The following MUC5B variants were observed in gnomAD, a reference collection of about 807,000 sequenced individuals.
The protein encoded by MUC5B is mucin-5B.
In MUC5B, 116 loss-of-function variants were observed where a neutral mutation model predicts 376.9. The observed-to-expected ratio is 0.31, with a 90% CI of 0.26 to 0.36. The LOEUF is 0.36. Among genes scored for constraint, MUC5B ranks in the 10% least tolerant of loss-of-function variants. The pLI is 1.00. For missense variants in MUC5B, 7,165 were observed against 7,769.9 expected (o/e 0.92, Z 2.93); for synonymous variants, 3,517 against 3,390.9 (o/e 1.04, Z -1.29).
Position 1,243,166 on chromosome 11 carries a change from C to A in MUC5B, c.6286C>A (p.Pro2096Thr). 1 of 1,608,078 alleles carries A rather than the reference C, an allele frequency of 6.2e-7. No homozygotes were observed. The change falls in exon 31 of 49, where the codon CCG (proline) becomes ACG (threonine). Residue 2096 changes from proline to threonine, a missense_variant. By Grantham distance (38) the Pro-to-Thr change is conservative (BLOSUM62 -1). Transcript: ENST00000529681. ...RGSTVTPSSI[P>T]GTTHTATVLT... ...CTCCACGGTGACCCCCTCCTCCATC[C>A]CGGGGACCACCCACACCGCCACAGT...
intron 47 of MUC5B, 113 bp from the exon 48 acceptor site, chr11:1,260,513 C>T (rs539300445): frequency 7.0e-5 from 103 of 1,466,106 alleles, no homozygotes; most frequent in East Asian, 3.0e-4. Context: ...ACTCCACCCT[C>T]GGTCCTGGAG....
rs978599372 is a variant in MUC5B at position 1,225,694 on chromosome 11, T to C, written c.84T>C (p.Pro28=). The C allele has an allele frequency of 6.2e-7, 1 of 1,601,702 alleles. No individual in the cohort carries two copies. The highest frequency in any genetic ancestry group is 8.5e-7 in the Non-Finnish European group (1 of 1,175,032). Residue 28 remains proline (P), a synonymous_variant, in exon 2 of 49, where the codon CCT becomes CCC. Transcript: ENST00000529681. ...LVVPQAETQG[P]VEPSWENAGH... ...CTCTTCCCACAGAGACCCAGGGCCC[T>C]GTGGAGCCGAGCTGGGAGAATGCAG... is the stretch of plus-strand genomic sequence containing the variant.
chr11:1,260,498 T>A (rs918106457), intron 47 of MUC5B, 105 bp downstream of exon 47: 5 of 1,493,712 alleles, frequency 3.3e-6, no homozygotes, highest in Non-Finnish European at 4.6e-6. Flanking sequence ...GATGCCCGCG[T>A]CCAGACTCCA....
chr11:1,249,150 C>T lies in MUC5B; in HGVS notation c.12270C>T (p.Thr4090=). 6.2e-7 allele frequency: 1 copy of T among 1,611,398 alleles called. No individual in the cohort carries two copies. ...CAGGGACGACCACCCCGGGCCACAC[C>T]ACGGCCACCTCCAGGACCACGGCCA... is the stretch of plus-strand genomic sequence containing the variant. The part of the protein sequence containing the change: ...PSPGTTTPGH[T]TATSRTTATA... The change falls in exon 31 of 49, where the codon ACC becomes ACT. Residue 4090 remains threonine (T), a synonymous_variant. Coordinates refer to ENST00000529681, the MANE Select transcript of MUC5B (RefSeq NM_002458.3).
chr11:1,257,478 G>A lies in MUC5B; in HGVS notation c.16270-52G>A, dbSNP rs1360367370. The A allele has an allele frequency of 1.9e-6, 3 of 1,587,594 alleles. No individual in the cohort carries two copies. The highest frequency in any genetic ancestry group is 3.4e-5 in the Admixed American group (2 of 59,138). On this transcript the variant is annotated intron_variant, in intron 40 of 48. Transcript: ENST00000529681. This position sits in a 1 kb window ranked among gnomAD's most constrained non-coding sequence, Gnocchi z 8.9. ...GGGGGTGGCTGGACAGATGCCCAGG[G>A]TTGACCTGTGTCTGTCCAGGAGCCC...
rs749442163 is a variant in MUC5B, at chr11:1,243,559, A to T, written c.6679A>T (p.Ile2227Phe). The change falls in exon 31 of 49, where the codon ATC (isoleucine) becomes TTC (phenylalanine). Residue 2227 changes from isoleucine (I) to phenylalanine (F), a missense_variant. Physicochemically the swap from Ile to Phe is conservative, Grantham distance 21. Around this residue, in one of 31 missense-constraint regions of MUC5B, gnomAD observed 67 missense variants for 103.0 expected, o/e 0.65. Transcript: ENST00000529681. ...ATSGILGTTH[I>F]TEPSTVTSHT... is the part of the protein sequence containing the mutation. ...CTCGGGCATCTTGGGCACCACCCAC[A>T]TCACAGAGCCTTCCACGGTGACTTC... 1 of 1,607,326 alleles carries T rather than the reference A, an allele frequency of 6.2e-7. No homozygotes were observed. Among genetic ancestry groups the T allele is most frequent in the Non-Finnish European group, 8.5e-7 (1 of 1,178,102 alleles).
intron 48 of MUC5B, 97 bp from the exon 49 acceptor site, chr11:1,261,292 T>C: frequency 8.9e-7 from 1 of 1,118,920 alleles, no homozygotes; most frequent in Non-Finnish European, 1.3e-6. Context: ...GGGGCGGCCG[T>C]CTGGCCCAGG....
intron 30 of MUC5B, 139 bp from the exon 31 acceptor site, chr11:1,240,712 C>T: frequency 1.2e-6 from 1 of 834,414 alleles, no homozygotes. Flanking sequence ...CTAACCAAGG[C>T]TGAGGCAGGC....
Position 1,234,096 on chromosome 11 carries a change from C to A in MUC5B, c.2378-109C>A. On this transcript the variant is annotated intron_variant, in intron 19 of 48. Transcript: ENST00000529681. The surrounding 1 kb of genome is among the most constrained non-coding windows in gnomAD (Gnocchi z 6.3). ...GCTGCAGGTGTCATGGAAGCTTTGGCTCGGGGGCTGTTAACTTGATCAGCA... is the reference window on the plus strand; with the variant it reads ...GCTGCAGGTGTCATGGAAGCTTTGGATCGGGGGCTGTTAACTTGATCAGCA... 1.0e-6 allele frequency: 1 copy of A among 969,444 alleles called. No homozygotes were observed. Among genetic ancestry groups the A allele is most frequent in the Non-Finnish European group, 1.6e-6 (1 of 631,972 alleles). The allele number at this position is 969,444 out of a possible 1,614,324, so 60.1% of individuals were successfully genotyped here.
rs747793569 is a variant in MUC5B at position 1,228,781 on chromosome 11, G to T, written c.976+16G>T. The T allele has an allele frequency of 5.0e-6, 7 of 1,404,630 alleles. No individual in the cohort carries two copies. In the East Asian group the frequency reaches 1.8e-4, roughly 36 times the overall value. The allele number at this position is 1,404,630 out of a possible 1,614,324, so 87.0% of individuals were successfully genotyped here. ...GAGCTCTGCCGTGAGTGCTCCCAGGGCCTTCGCCAGGGATTGTGCCAGAGA... is the reference window on the plus strand; with the variant it reads ...GAGCTCTGCCGTGAGTGCTCCCAGGTCCTTCGCCAGGGATTGTGCCAGAGA... On this transcript the variant is annotated intron_variant, in intron 8 of 48. Transcript: ENST00000529681.
At position 1,250,621 on chromosome 11, in the gene MUC5B, CCCT is replaced by C; in HGVS notation, c.13747_13749del (p.Ser4583del). The C allele has an allele frequency of 2.5e-6, 4 of 1,612,832 alleles. No homozygotes were observed. The highest frequency in any genetic ancestry group is 3.4e-6 in the Non-Finnish European group (4 of 1,179,106). ...CGGGGCCACCGGCTCTGTGGCCACC[CCCT>C]CCTCCACCCCAGGAACAGCTCACAC... On this transcript the variant is annotated inframe_deletion, in exon 31 of 49. Transcript: ENST00000529681.
In MUC5B at chr11:1,243,027, C is replaced by T. The variant is rs762453539; in HGVS notation, c.6147C>T (p.Thr2049=). The change falls in exon 31 of 49, where the codon ACC becomes ACT. Residue 2049 remains threonine (T), a synonymous_variant. Transcript: ENST00000529681. The part of the protein sequence containing the change: ...PSSTPGTAHT[T]KVPTTTTTGF... Reference sequence around the variant, plus strand: ...CCACCCCAGGAACAGCTCACACTACCAAAGTGCCAACTACCACAACCACGG... The same window carrying T: ...CCACCCCAGGAACAGCTCACACTACTAAAGTGCCAACTACCACAACCACGG... The T allele has an allele frequency of 1.2e-6, 2 of 1,611,570 alleles. No homozygotes were observed. Among genetic ancestry groups the T allele is most frequent in the Non-Finnish European group, 1.7e-6 (2 of 1,178,346 alleles).
chr11:1,242,121 A>T lies in MUC5B; in HGVS notation c.5241A>T (p.Pro1747=). 1.9e-6 allele frequency: 3 copies of T among 1,613,472 alleles called. No homozygotes were observed. In the South Asian group the frequency reaches 3.3e-5, roughly 18 times the overall value. ...SKEPLTTSLA[P]TLTSELSTSQ... ...AGCCGCTGACCACGAGCCTGGCGCC[A>T]ACACTCACGAGCGAGCTGTCCACCT... Residue 1747 remains proline, a synonymous_variant, in exon 31 of 49, where the codon CCA becomes CCT. Coordinates refer to ENST00000529681, the MANE Select transcript of MUC5B (RefSeq NM_002458.3).
chr11:1,249,687 G>T lies in MUC5B; in HGVS notation c.12807G>T (p.Pro4269=). Residue 4269 remains proline (P), a synonymous_variant, in exon 31 of 49, where the codon CCG becomes CCT. Transcript: ENST00000529681. Reference sequence around the variant, plus strand: ...CATCCACTGGATCCACGGCCACCCCGTCCTCCACCCCGGGAACAGCTCCCC... The same window carrying T: ...CATCCACTGGATCCACGGCCACCCCTTCCTCCACCCCGGGAACAGCTCCCC... The part of the protein sequence containing the change: ...TTASTGSTAT[P]SSTPGTAPPP... 1 of 1,607,842 alleles carries T rather than the reference G, an allele frequency of 6.2e-7. No homozygotes were observed. Among genetic ancestry groups the T allele is most frequent in the Non-Finnish European group, 8.5e-7 (1 of 1,177,260 alleles).
chr11:1,249,818 G>T lies in MUC5B; in HGVS notation c.12938G>T (p.Ser4313Ile), dbSNP rs1051623583. ...GCAACCACCCTTCCAGTGCTGACAAGCACAGCCACCAAATCCACAGCTACC... is the reference window on the plus strand; with the variant it reads ...GCAACCACCCTTCCAGTGCTGACAATCACAGCCACCAAATCCACAGCTACC... ...RTATTLPVLT[S>I]TATKSTATSV... is the part of the protein sequence containing the mutation. Residue 4313 changes from serine (S) to isoleucine (I), a missense_variant, in exon 31 of 49, where the codon AGC becomes ATC. Ser to Ile is a moderately radical substitution (Grantham distance 142, BLOSUM62 -2). Transcript: ENST00000529681. 1 of 1,613,270 alleles carries T rather than the reference G, an allele frequency of 6.2e-7. No homozygotes were observed. Among genetic ancestry groups the T allele is most frequent in the Admixed American group, 1.7e-5 (1 of 59,982 alleles).
intron 18 of MUC5B, 137 bp downstream of exon 18, chr11:1,233,405 C>A: frequency 9.7e-7 from 1 of 1,035,714 alleles, no homozygotes. Context: ...GCAGGGTGGA[C>A]CCAGCACATT....
In MUC5B at chr11:1,261,419, C is replaced by G; in HGVS notation, c.17100C>G (p.His5700Gln). ...CAGCAGAGGCCCAGGCCATGCAGCA[C>G]CAGTGCACCTGCTGCCAGGAGAGGC... is the stretch of plus-strand genomic sequence containing the variant. ...KYSAEAQAMQ[H>Q]QCTCCQERRV... is the part of the protein sequence containing the mutation. The change falls in exon 49 of 49, where the codon CAC becomes CAG. Residue 5700 changes from histidine (H) to glutamine (Q), a missense_variant. Physicochemically the swap from His to Gln is conservative, Grantham distance 24 (BLOSUM62 0). Transcript: ENST00000529681. The G allele has an allele frequency of 6.4e-7, 1 of 1,554,216 alleles. No individual in the cohort carries two copies. The highest frequency in any genetic ancestry group is 8.7e-7 in the Non-Finnish European group (1 of 1,150,370).
rs368208644 is a variant in MUC5B at position 1,230,471 on chromosome 11, C to T, written c.1360-19C>T. The T allele has an allele frequency of 6.3e-3, 9,947 of 1,580,880 alleles. 46 individuals carry two copies. The highest frequency in any genetic ancestry group is 8.4e-3 in the Admixed American group (481 of 56,994). The stretch of plus-strand genomic sequence containing the variant: ...ATCATCGAGCCAGGCCCAATGCACG[C>T]GTGGGTCCTTCTCCCCAGAAATGTG... On this transcript the variant is annotated intron_variant, in intron 11 of 48. Transcript: ENST00000529681.
At chr11:1,231,306 T>TGGGTCTCACTCCC (rs1862022596) in intron 13 of MUC5B, 117 bp from the exon 14 acceptor site, 27 of 1,279,054 alleles carry the variant, frequency 2.1e-5, no homozygotes, top group Non-Finnish European at 2.6e-5. Flanking sequence ...TGGCCACTCC[T>TGGGTCTCACTCCC]GGGTCTCACT....
Sources: allele counts gnomAD v4.1 joint callset, GRCh38; gene constraint gnomAD v4.1.1; regional missense constraint gnomAD v4.1.1; non-coding constraint Gnocchi (gnomAD v3.1); transcripts MANE v1.5; gene names NCBI Gene and HGNC (gene_info 2026-07-23, HGNC 2026-07-21).